The following CSMD1 variants were observed in gnomAD, a reference collection of about 807,000 sequenced individuals.
CSMD1 encodes the protein CUB and sushi domain-containing protein 1.
A neutral mutation model predicts 417.5 loss-of-function variants in CSMD1; 213 were observed. The ratio of observed to expected loss-of-function variants is 0.51; its 90% CI spans 0.46 to 0.57. CSMD1 has a LOEUF of 0.57. CSMD1 is among the 20% of genes least tolerant of loss of function. The probability of loss-of-function intolerance (pLI) is 0.00; values close to 1 mark genes in which losing one functional copy is unlikely to be tolerated. For synonymous variants in CSMD1, 2,862 were observed against 1,736.8 expected, an observed-to-expected ratio of 1.65 and a Z score of -16.11; for missense variants, 6,923 against 4,529.7, an observed-to-expected ratio of 1.53 and a Z score of -15.17.
chr8:3,300,358 G>C, intron 25 of CSMD1, among the ~76,000 whole-genome samples: 1 of 150,838 alleles, frequency 6.6e-6, no homozygotes, highest in African/African-American at 2.4e-5. Flanking sequence ...ACTACATTTA[G>C]GGGTTTTTTT....
rs563144081 is a variant in CSMD1, at chr8:4,169,368, C to T, written c.416-137269G>A. Among the ~76,000 whole-genome samples, 12 of 152,228 alleles carry T rather than the reference C, an allele frequency of 7.9e-5. 1 individual carries two copies. In the South Asian group the frequency reaches 2.3e-3, roughly 29 times the overall value. ...CTAGATAAATGGCGACTGCGTTTTCCACTTCCTCAGGCCAAAAAACATGAG... is the reference window on the plus strand; with the variant it reads ...CTAGATAAATGGCGACTGCGTTTTCTACTTCCTCAGGCCAAAAAACATGAG... On this transcript the variant is annotated intron_variant, in intron 3 of 69. Transcript: ENST00000635120.
At chr8:4,451,598 A>G (rs544185852) in intron 2 of CSMD1, among the ~76,000 whole-genome samples, 1 of 152,280 alleles carries the variant, frequency 6.6e-6, no homozygotes, top group Non-Finnish European at 1.5e-5. Context: ...AAAGAAGACC[A>G]TTTTAGAGGT....
intron 18 of CSMD1, among the ~76,000 whole-genome samples, chr8:3,384,617 T>C (rs1190255257): frequency 6.9e-6 from 1 of 145,306 alleles, no homozygotes; most frequent in African/African-American, 2.5e-5. Context: ...TTTTTAAATA[T>C]TTGCAAATTG....
chr8:3,176,965 A>G (rs1408808414), intron 37 of CSMD1, among the ~76,000 whole-genome samples: 2 of 151,636 alleles, frequency 1.3e-5, no homozygotes, highest in African/African-American at 4.8e-5. Context: ...TTTTATAGAG[A>G]TGAGGTTTTG....
At chr8:3,233,576 G>C in intron 26 of CSMD1, among the ~76,000 whole-genome samples, 1 of 152,192 alleles carries the variant, frequency 6.6e-6, no homozygotes, top group South Asian at 2.1e-4. Context: ...TGTTTAGTAA[G>C]GACATGTGAT....
intron 6 of CSMD1, among the ~76,000 whole-genome samples, chr8:3,739,057 A>T (rs1268142178): frequency 6.6e-6 from 1 of 152,194 alleles, no homozygotes; most frequent in African/African-American, 2.4e-5. Context: ...ATGTTCTTAC[A>T]TTTCACCTGA....
chr8:3,524,287 G>A (rs940627728), intron 10 of CSMD1, among the ~76,000 whole-genome samples: 2 of 137,570 alleles, frequency 1.5e-5, no homozygotes, highest in Non-Finnish European at 3.1e-5. Flanking sequence ...ACATATACAT[G>A]CACACACACG....
At chr8:4,217,068 G>A (rs1447894031) in intron 3 of CSMD1, among the ~76,000 whole-genome samples, 1 of 152,164 alleles carries the variant, frequency 6.6e-6, no homozygotes, top group Non-Finnish European at 1.5e-5. Context: ...AGTGTCCTGT[G>A]TCTGTTATAC....
intron 4 of CSMD1, among the ~76,000 whole-genome samples, chr8:4,009,682 T>TCATTTTC (rs1271982107): frequency 2.6e-4 from 40 of 152,072 alleles, no homozygotes; most frequent in African/African-American, 9.4e-4. Context: ...TGGGAGATAT[T>TCATTTTC]ATTGAGGAAG....
chr8:4,218,915 C>G (rs755532245), intron 3 of CSMD1, among the ~76,000 whole-genome samples: 1 of 152,186 alleles, frequency 6.6e-6, no homozygotes, highest in Admixed American at 6.5e-5. Context: ...CATTTTGGAT[C>G]TGAACCCTTG....
chr8:3,545,195 T>G (rs201451482), intron 10 of CSMD1, among the ~76,000 whole-genome samples: 1 of 152,170 alleles, frequency 6.6e-6, no homozygotes, highest in African/African-American at 2.4e-5. Flanking sequence ...GAGCAGGAGG[T>G]AGAATATTGT....
chr8:4,370,871 G>C (rs986118599), intron 3 of CSMD1, among the ~76,000 whole-genome samples: 1 of 152,094 alleles, frequency 6.6e-6, no homozygotes, highest in Non-Finnish European at 1.5e-5. Flanking sequence ...ACCTCCTCTT[G>C]TATCTTGATG....
intron 68 of CSMD1, among the ~76,000 whole-genome samples, chr8:2,948,168 GT>G (rs1055804599): frequency 6.6e-6 from 1 of 151,876 alleles, no homozygotes; most frequent in African/African-American, 2.4e-5. Flanking sequence ...ACAAAAATGC[GT>G]TTCCTTTTAT....
intron 37 of CSMD1, among the ~76,000 whole-genome samples, chr8:3,170,369 G>C (rs1043325305): frequency 1.3e-4 from 20 of 152,118 alleles, no homozygotes; most frequent in South Asian, 2.1e-4. Context: ...CACCATACCT[G>C]GCTAATTGTT....
intron 12 of CSMD1, among the ~76,000 whole-genome samples, chr8:3,431,832 T>C (rs577782508): frequency 1.4e-4 from 21 of 152,336 alleles, no homozygotes; most frequent in South Asian, 6.2e-4. Flanking sequence ...TTCCATACAA[T>C]TGTCATTTCC....
intron 6 of CSMD1, among the ~76,000 whole-genome samples, chr8:3,736,924 G>C (rs1305753945): frequency 6.6e-6 from 1 of 152,190 alleles, no homozygotes; most frequent in African/African-American, 2.4e-5. Context: ...TCCGTGTGAA[G>C]CATTCTGGGT....
At chr8:3,456,755 G>C (rs1031753737) in intron 12 of CSMD1, among the ~76,000 whole-genome samples, 2 of 152,064 alleles carry the variant, frequency 1.3e-5, no homozygotes, top group Non-Finnish European at 2.9e-5. Context: ...AGAAGTGGGA[G>C]GAAAGCCTGC....
At chr8:4,267,908 A>T (rs965850584) in intron 3 of CSMD1, among the ~76,000 whole-genome samples, 2 of 152,124 alleles carry the variant, frequency 1.3e-5, no homozygotes, top group African/African-American at 4.8e-5. Context: ...TGACTGAAAT[A>T]AAATAGGACT....
intron 27 of CSMD1, among the ~76,000 whole-genome samples, chr8:3,226,725 T>A (rs780796590): frequency 2.0e-5 from 3 of 151,774 alleles, no homozygotes; most frequent in Non-Finnish European, 2.9e-5. Flanking sequence ...AAGTGAGGTA[T>A]CCAAGCAACA....
Sources: allele counts gnomAD v4.1 joint callset (sites outside exome capture counted in the v4.1 genomes callset), GRCh38; gene constraint gnomAD v4.1.1; transcripts MANE v1.5; gene names NCBI Gene and HGNC (gene_info 2026-07-23, HGNC 2026-07-21).